PTPRD: variants seen among roughly 807,000 people sequenced by gnomAD.
PTPRD encodes the protein receptor-type tyrosine-protein phosphatase delta.
PTPRD carries 34 observed loss-of-function variants against 214.5 expected under a neutral mutation model. That is an observed-to-expected ratio of 0.16 (90% CI 0.12 to 0.21). The LOEUF is 0.21. Ranked by LOEUF, PTPRD falls within the 10% of genes least tolerant of loss-of-function variation. The pLI is 1.00. For missense variants in PTPRD, 2,545 were observed against 2,398.7 expected (o/e 1.06, Z -1.27); for synonymous variants, 1,128 against 845.7 (o/e 1.33, Z -5.79).
intron 3 of PTPRD, among the ~76,000 whole-genome samples, chr9:10,107,565 T>G (rs554689549): frequency 6.6e-6 from 1 of 152,114 alleles, no homozygotes; most frequent in African/African-American, 2.4e-5. Context: ...TGAATGATGA[T>G]GCTAAGTACA....
chr9:9,289,023 T>G (rs1429737896), intron 9 of PTPRD, among the ~76,000 whole-genome samples: 1 of 151,886 alleles, frequency 6.6e-6, no homozygotes, highest in Admixed American at 6.6e-5. Flanking sequence ...TCTTTATAAA[T>G]TATCCAGTTT....
At chr9:9,029,774 G>A (rs1590100398) in intron 10 of PTPRD, among the ~76,000 whole-genome samples, 1 of 151,968 alleles carries the variant, frequency 6.6e-6, no homozygotes, top group African/African-American at 2.4e-5. Flanking sequence ...GAACAGGTAG[G>A]TGGCTGAGTC....
intron 14 of PTPRD, among the ~76,000 whole-genome samples, chr9:8,547,356 T>C (rs2140473052): frequency 6.6e-6 from 1 of 152,098 alleles, no homozygotes; most frequent in South Asian, 2.1e-4. Context: ...GAAATAAAGA[T>C]AGGGTTAAAT....
At chr9:9,489,470 C>T (rs1410210912) in intron 8 of PTPRD, among the ~76,000 whole-genome samples, 1 of 151,992 alleles carries the variant, frequency 6.6e-6, no homozygotes, top group Non-Finnish European at 1.5e-5. Context: ...GACTTTATAA[C>T]AAAGTCTTAA....
intron 35 of PTPRD, among the ~76,000 whole-genome samples, chr9:8,410,961 A>G (rs1490697925): frequency 6.6e-6 from 1 of 152,152 alleles, no homozygotes; most frequent in African/African-American, 2.4e-5. Context: ...ATTCTAAATT[A>G]TATCATAGTA....
At chr9:9,626,334 T>A (rs2095424842) in intron 7 of PTPRD, among the ~76,000 whole-genome samples, 1 of 152,186 alleles carries the variant, frequency 6.6e-6, no homozygotes, top group South Asian at 2.1e-4. Context: ...AAGCTAAGGC[T>A]CTGTCTGATT....
intron 6 of PTPRD, among the ~76,000 whole-genome samples, chr9:9,739,833 A>G (rs548577620): frequency 2.0e-4 from 31 of 151,250 alleles, no homozygotes; most frequent in East Asian, 8.1e-4. Flanking sequence ...ATATATATAT[A>G]TGTGTGTAAA....
At chr9:9,444,498 AT>A (rs1415896463) in intron 8 of PTPRD, among the ~76,000 whole-genome samples, 1 of 152,192 alleles carries the variant, frequency 6.6e-6, no homozygotes, top group Non-Finnish European at 1.5e-5. Flanking sequence ...TGCTCCATAA[AT>A]TGGTAGAATG....
intron 7 of PTPRD, among the ~76,000 whole-genome samples, chr9:9,611,063 A>G (rs976022632): frequency 3.3e-5 from 5 of 152,172 alleles, no homozygotes; most frequent in Admixed American, 1.3e-4. Flanking sequence ...TTTTAACATC[A>G]TATTGTAAAC....
At chr9:9,111,767 G>T (rs74560761) in intron 10 of PTPRD, among the ~76,000 whole-genome samples, 1 of 151,752 alleles carries the variant, frequency 6.6e-6, no homozygotes, top group Non-Finnish European at 1.5e-5. Context: ...TTGTGGAGAC[G>T]CTTGAGGAAA....
chr9:9,578,307 T>G (rs2089657853), intron 7 of PTPRD, among the ~76,000 whole-genome samples: 1 of 152,100 alleles, frequency 6.6e-6, no homozygotes, highest in Non-Finnish European at 1.5e-5. Context: ...TTTTTAGTAT[T>G]ATTTTAGTAT....
chr9:10,056,861 G>A (rs2097660940), intron 3 of PTPRD, among the ~76,000 whole-genome samples: 1 of 152,094 alleles, frequency 6.6e-6, no homozygotes, highest in South Asian at 2.1e-4. Context: ...CAGAAGCAGG[G>A]ACTTGCAGAC....
chr9:10,540,173 G>A (rs1445164951), intron 2 of PTPRD, among the ~76,000 whole-genome samples: 1 of 152,064 alleles, frequency 6.6e-6, no homozygotes, highest in East Asian at 1.9e-4. Context: ...GGGACAACTG[G>A]CGTGCACCAC....
chr9:8,684,861 C>G (rs2097646730), intron 12 of PTPRD, among the ~76,000 whole-genome samples: 1 of 152,030 alleles, frequency 6.6e-6, no homozygotes, highest in Admixed American at 6.6e-5. Flanking sequence ...TTTTACTGCT[C>G]TCTGTGGGCA....
intron 11 of PTPRD, among the ~76,000 whole-genome samples, chr9:8,778,856 G>C (rs1436966583): frequency 6.6e-6 from 1 of 152,110 alleles, no homozygotes; most frequent in Non-Finnish European, 1.5e-5. Context: ...AATGGATTCA[G>C]TGAAGTAACA....
chr9:9,071,936 C>A (rs1238276099), intron 10 of PTPRD, among the ~76,000 whole-genome samples: 1 of 152,132 alleles, frequency 6.6e-6, no homozygotes, highest in Non-Finnish European at 1.5e-5. Flanking sequence ...GTGTATAACA[C>A]ATAGAAATGG....
rs181394858 is a variant in PTPRD, at chr9:10,486,899, G to T, written c.-600+125499C>A. ...AAGATCTGTCCCATGTTGAATATGT[G>T]GTGTTGAAATCTCCAGCTATTATTT... On this transcript the variant is annotated intron_variant, in intron 2 of 45. Transcript: ENST00000381196. Among the ~76,000 whole-genome samples, 5 of 152,128 alleles carry T rather than the reference G, an allele frequency of 3.3e-5. No homozygotes were observed. In the East Asian group the frequency reaches 9.7e-4, roughly 29 times the overall value.
intron 12 of PTPRD, chr9:8,701,690 G>A (rs1189218613): frequency 6.6e-6 from 1 of 152,094 alleles, no homozygotes; most frequent in African/African-American, 2.4e-5. Flanking sequence ...GCTACATACT[G>A]CTCTTCCTTT....
At chr9:8,721,656 C>T (rs1288073672) in intron 12 of PTPRD, among the ~76,000 whole-genome samples, 1 of 152,120 alleles carries the variant, frequency 6.6e-6, no homozygotes, top group African/African-American at 2.4e-5. Flanking sequence ...CATTGCTTAA[C>T]CTGCTTTTGT....
Sources: allele counts gnomAD v4.1 joint callset (sites outside exome capture counted in the v4.1 genomes callset), GRCh38; gene constraint gnomAD v4.1.1; transcripts MANE v1.5; gene names NCBI Gene and HGNC (gene_info 2026-07-23, HGNC 2026-07-21).